The following TMEM132C variants were observed in gnomAD, a reference collection of about 807,000 sequenced individuals.
TMEM132C encodes transmembrane protein 132C.
Under a neutral mutation model 61.4 loss-of-function variants are expected in TMEM132C, and 29 were observed. The ratio of observed to expected loss-of-function variants is 0.47; its 90% CI spans 0.35 to 0.64. The LOEUF (loss-of-function observed/expected upper bound fraction) is 0.64, where lower values mean the gene tolerates loss of function less well. TMEM132C is among the 30% of genes least tolerant of loss of function. The pLI is 0.00. For synonymous variants in TMEM132C, 656 were observed against 633.1 expected (o/e 1.04, Z -0.54); for missense variants, 1,408 against 1,476.9 (o/e 0.95, Z 0.76).
chr12:128,644,972 A>G (rs1028209335), intron 4 of TMEM132C, among the ~76,000 whole-genome samples: 1 of 152,162 alleles, frequency 6.6e-6, no homozygotes, highest in African/African-American at 2.4e-5. Flanking sequence ...GTTAGGGTCA[A>G]GTAGGATTCA....
At chr12:128,626,617 G>A (rs1328518106) in intron 4 of TMEM132C, among the ~76,000 whole-genome samples, 3 of 151,392 alleles carry the variant, frequency 2.0e-5, no homozygotes, top group African/African-American at 7.3e-5. Context: ...GCTAATTTTT[G>A]TATTTTTAAC....
At chr12:128,656,073 A>C (rs2135615922) in intron 4 of TMEM132C, among the ~76,000 whole-genome samples, 1 of 152,206 alleles carries the variant, frequency 6.6e-6, no homozygotes, top group South Asian at 2.1e-4. Flanking sequence ...TTTTTTGAGA[A>C]GGAGTCTCGC....
chr12:128,581,729 G>A (rs75989595), intron 3 of TMEM132C, among the ~76,000 whole-genome samples: 2,674 of 152,310 alleles, frequency 0.018, 77 homozygotes, highest in African/African-American at 0.061. Context: ...CTGGTTCAGG[G>A]CGATCTAAGC....
At chr12:128,499,213 A>G (rs1872072470) in intron 2 of TMEM132C, among the ~76,000 whole-genome samples, 1 of 152,234 alleles carries the variant, frequency 6.6e-6, no homozygotes, top group South Asian at 2.1e-4. Context: ...GAAAGTCCAG[A>G]AATAAACACC....
At chr12:128,647,526 A>G (rs969688623) in intron 4 of TMEM132C, among the ~76,000 whole-genome samples, 2 of 151,474 alleles carry the variant, frequency 1.3e-5, no homozygotes, top group Admixed American at 6.6e-5. Context: ...GAGTGTGTTT[A>G]CTGGGGTCCA....
intron 1 of TMEM132C, among the ~76,000 whole-genome samples, chr12:128,344,958 A>C (rs886690608): frequency 9.7e-6 from 1 of 102,674 alleles, no homozygotes; most frequent in African/African-American, 3.8e-5. Flanking sequence ...TCCAGCTTTT[A>C]TTTTAAGTTC....
intron 3 of TMEM132C, among the ~76,000 whole-genome samples, chr12:128,559,216 T>G (rs2136162231): frequency 6.6e-6 from 1 of 151,222 alleles, no homozygotes; most frequent in South Asian, 2.1e-4. Flanking sequence ...CACTGCAACT[T>G]CAAACAATTT....
Position 128,705,674 on chromosome 12 carries a change from C to G in TMEM132C, c.2706C>G (p.Pro902=). The part of the protein sequence containing the change: ...FTNFPAHVDL[P]KAGSGLEEND... ...ACTTCCCTGCCCACGTGGACCTCCC[C>G]AAGGCCGGGAGTGGGCTGGAGGAAA... Residue 902 remains proline, a synonymous_variant, in exon 9 of 9, where the codon CCC becomes CCG. Coordinates refer to ENST00000435159, the MANE Select transcript of TMEM132C (RefSeq NM_001136103.3). 1 of 1,551,386 alleles carries G rather than the reference C, an allele frequency of 6.4e-7. No homozygotes were observed. Among genetic ancestry groups the G allele is most frequent in the Non-Finnish European group, 8.7e-7 (1 of 1,146,988 alleles).
intron 1 of TMEM132C, among the ~76,000 whole-genome samples, chr12:128,393,504 C>T (rs1176190842): frequency 6.6e-6 from 1 of 152,114 alleles, no homozygotes; most frequent in East Asian, 1.9e-4. Context: ...TTGATAGCAC[C>T]GTGTTTGGCA....
At chr12:128,347,429 C>CTA (rs1388112544) in intron 1 of TMEM132C, among the ~76,000 whole-genome samples, 38 of 150,886 alleles carry the variant, frequency 2.5e-4, no homozygotes, top group African/African-American at 9.1e-4. Context: ...CTCTCTCTCT[C>CTA]TCTCTCTCTC....
chr12:128,412,903 T>C (rs957802365), intron 1 of TMEM132C, among the ~76,000 whole-genome samples: 2 of 152,186 alleles, frequency 1.3e-5, no homozygotes, highest in South Asian at 2.1e-4. Flanking sequence ...TTCCTTTTCT[T>C]ATTGCAGTTC....
intron 2 of TMEM132C, among the ~76,000 whole-genome samples, chr12:128,463,784 T>C (rs1459561904): frequency 6.6e-6 from 1 of 152,136 alleles, no homozygotes; most frequent in Non-Finnish European, 1.5e-5. Flanking sequence ...CCCATTTGTG[T>C]GCCTTCCCTA....
intron 1 of TMEM132C, among the ~76,000 whole-genome samples, chr12:128,330,566 TAA>T (rs906483565): frequency 6.6e-6 from 1 of 152,172 alleles, no homozygotes; most frequent in Non-Finnish European, 1.5e-5. Flanking sequence ...AAAATGTTTT[TAA>T]AGTGTATATC....
intron 4 of TMEM132C, among the ~76,000 whole-genome samples, chr12:128,657,718 G>A (rs894667642): frequency 2.6e-5 from 4 of 152,186 alleles, no homozygotes; most frequent in African/African-American, 9.7e-5. Flanking sequence ...CATGGCAAGT[G>A]AAAAACAACT....
chr12:128,587,831 T>C (rs895189767), intron 3 of TMEM132C, among the ~76,000 whole-genome samples: 2 of 152,078 alleles, frequency 1.3e-5, no homozygotes, highest in African/African-American at 4.8e-5. Context: ...AAAAAGTGAG[T>C]CGATTTACAG....
At chr12:128,307,210 C>T (rs920789290) in intron 1 of TMEM132C, among the ~76,000 whole-genome samples, 1 of 152,132 alleles carries the variant, frequency 6.6e-6, no homozygotes, top group Non-Finnish European at 1.5e-5. Context: ...TAGACTTACC[C>T]TCCCTCTTAG....
At chr12:128,610,687 A>C (rs1876602071) in intron 3 of TMEM132C, among the ~76,000 whole-genome samples, 1 of 152,230 alleles carries the variant, frequency 6.6e-6, no homozygotes. Context: ...AAAGCTTAGC[A>C]AATATTTCAG....
intron 2 of TMEM132C, among the ~76,000 whole-genome samples, chr12:128,501,650 A>T (rs945771443): frequency 1.3e-5 from 2 of 152,186 alleles, no homozygotes; most frequent in East Asian, 3.9e-4. Flanking sequence ...CAATACTTGG[A>T]GTTGGGTGGT....
chr12:128,652,567 A>G (rs1036612085), intron 4 of TMEM132C, among the ~76,000 whole-genome samples: 1 of 152,260 alleles, frequency 6.6e-6, no homozygotes, highest in African/African-American at 2.4e-5. Context: ...CAGGATTCAC[A>G]GAAGACAGAG....
Sources: allele counts gnomAD v4.1 joint callset (sites outside exome capture counted in the v4.1 genomes callset), GRCh38; gene constraint gnomAD v4.1.1; transcripts MANE v1.5; gene names NCBI Gene and HGNC (gene_info 2026-07-23, HGNC 2026-07-21).